Variants in LIPC observed in about 807,000 individuals in gnomAD.
LIPC encodes hepatic triacylglycerol lipase.
A neutral mutation model predicts 50.7 loss-of-function variants in LIPC; 44 were observed. The observed-to-expected ratio is 0.87, with a 90% CI of 0.68 to 1.11. The LOEUF is 1.11. Among genes scored for constraint, LIPC ranks in the 50% most tolerant of loss-of-function variants. LIPC has a pLI of 0.00. For missense variants in LIPC, 697 were observed against 648.2 expected, an observed-to-expected ratio of 1.08 and a Z score of -0.82; for synonymous variants, 271 against 256.4, an observed-to-expected ratio of 1.06 and a Z score of -0.54.
intron 6 of LIPC, among the ~76,000 whole-genome samples, chr15:58,551,920 A>G (rs1870815157): frequency 6.6e-6 from 1 of 152,204 alleles, no homozygotes; most frequent in Non-Finnish European, 1.5e-5. Flanking sequence ...ACAACTGTAC[A>G]CCAGAACTCG....
rs180913373 is a variant in LIPC at position 58,471,718 on chromosome 15, G to C, written c.88+39598G>C. On this transcript the variant is annotated intron_variant, in intron 1 of 8. Transcript: ENST00000299022. ...TCTGAATCAACCAAATGAATGAATT[G>C]AGCCAAATAGAAATGCATGACTATT... Among the ~76,000 whole-genome samples, 3 of 152,270 alleles carry C rather than the reference G, an allele frequency of 2.0e-5. No homozygotes were observed. The East Asian group carries it at 5.8e-4, about 29-fold the overall frequency.
At chr15:58,432,336 AAG>A (rs1348769762) in intron 1 of LIPC, 1 of 593,036 alleles carries the variant, frequency 1.7e-6, no homozygotes, top group African/African-American at 1.9e-5. Context: ...AAAGTCTTCT[AAG>A]AGTGCCTGCA....
At chr15:58,467,896 G>A (rs1457917687) in intron 1 of LIPC, among the ~76,000 whole-genome samples, 1 of 152,198 alleles carries the variant, frequency 6.6e-6, no homozygotes, top group Non-Finnish European at 1.5e-5. Flanking sequence ...CTGCACAGCG[G>A]TTGAGAGCTT....
At chr15:58,516,395 C>T (rs945435740) in intron 1 of LIPC, among the ~76,000 whole-genome samples, 14 of 151,880 alleles carry the variant, frequency 9.2e-5, no homozygotes, top group Middle Eastern at 3.2e-3. Context: ...TATTTTTCCA[C>T]CATTATTATT....
chr15:58,535,346 A>G (rs114585000), intron 1 of LIPC, among the ~76,000 whole-genome samples: 63 of 152,342 alleles, frequency 4.1e-4, no homozygotes, highest in East Asian at 1.3e-3. Context: ...GAGGAAGTGA[A>G]TAAATGAATG....
chr15:58,567,212 A>ATATAT (rs1458100990), intron 8 of LIPC, among the ~76,000 whole-genome samples: 5 of 139,268 alleles, frequency 3.6e-5, no homozygotes, highest in African/African-American at 8.0e-5. Context: ...AAAAAAATAA[A>ATATAT]AAATATATAT....
At chr15:58,437,903 A>G (rs1406656850) in intron 1 of LIPC, among the ~76,000 whole-genome samples, 3 of 152,150 alleles carry the variant, frequency 2.0e-5, no homozygotes, top group Non-Finnish European at 4.4e-5. Flanking sequence ...CCTACAGCTG[A>G]GCAGGTCTGT....
chr15:58,455,009 T>TCCG (rs1245133569), intron 1 of LIPC: 1 of 152,268 alleles, frequency 6.6e-6, no homozygotes, highest in Non-Finnish European at 1.5e-5. Context: ...TAAGGTTATT[T>TCCG]CCGTCTGTCG....
chr15:58,502,138 C>G (rs1330057879), intron 1 of LIPC, among the ~76,000 whole-genome samples: 1 of 152,110 alleles, frequency 6.6e-6, no homozygotes, highest in African/African-American at 2.4e-5. Flanking sequence ...CACTACAGTT[C>G]CCAGAGTGGG....
intron 1 of LIPC, among the ~76,000 whole-genome samples, chr15:58,456,852 T>C (rs1411958989): frequency 1.3e-5 from 2 of 152,258 alleles, no homozygotes; most frequent in East Asian, 3.8e-4. Context: ...AAGTATACTT[T>C]ACCATGCGTA....
rs147146149 is a variant in LIPC at position 58,451,296 on chromosome 15, C to G, written c.88+19176C>G. 8.2e-3 allele frequency among the ~76,000 whole-genome samples: 1,248 copies of G among 152,224 alleles called. 6 individuals are homozygous for G. Among genetic ancestry groups the G allele is most frequent in the Non-Finnish European group, 0.014 (945 of 68,004 alleles). ...AATTGTATTCGTTGAGACTTTGGGT[C>G]ACAAGAATAATAATCCAAACCAAAT... On this transcript the variant is annotated intron_variant, in intron 1 of 8. Transcript: ENST00000299022.
At chr15:58,539,777 G>A (rs145942655) in intron 2 of LIPC, among the ~76,000 whole-genome samples, 15 of 152,186 alleles carry the variant, frequency 9.9e-5, no homozygotes, top group African/African-American at 3.6e-4. Context: ...CCATGCACCT[G>A]CCTTCTCTCT....
intron 1 of LIPC, among the ~76,000 whole-genome samples, chr15:58,453,609 T>C (rs1235905217): frequency 6.6e-6 from 1 of 152,062 alleles, no homozygotes; most frequent in Non-Finnish European, 1.5e-5. Flanking sequence ...TTACAGAGTG[T>C]GGGTTCCGTA....
At chr15:58,445,756 C>G (rs1172551363) in intron 1 of LIPC, among the ~76,000 whole-genome samples, 1 of 152,186 alleles carries the variant, frequency 6.6e-6, no homozygotes, top group African/African-American at 2.4e-5. Flanking sequence ...CTCGGTCAGT[C>G]ATTAGTAAAG....
intron 1 of LIPC, among the ~76,000 whole-genome samples, 184 bp from the exon 2 acceptor site, chr15:58,538,149 C>G (rs1357923761): frequency 2.0e-5 from 3 of 152,190 alleles, no homozygotes; most frequent in Admixed American, 1.3e-4. Flanking sequence ...AGGCCACCCT[C>G]CATCACTTGG....
intron 1 of LIPC, among the ~76,000 whole-genome samples, chr15:58,530,211 A>G (rs1435079502): frequency 1.3e-5 from 2 of 152,218 alleles, no homozygotes; most frequent in African/African-American, 4.8e-5. Context: ...TGGCCTCCAC[A>G]GGGTAGTCCC....
intron 1 of LIPC, among the ~76,000 whole-genome samples, chr15:58,488,663 G>C (rs1261824504): frequency 6.6e-6 from 1 of 152,222 alleles, no homozygotes; most frequent in African/African-American, 2.4e-5. Flanking sequence ...TCAGCACAAA[G>C]GGCCCAAGTC....
At chr15:58,463,403 A>C (rs1463016588) in intron 1 of LIPC, among the ~76,000 whole-genome samples, 1 of 152,176 alleles carries the variant, frequency 6.6e-6, no homozygotes, top group African/African-American at 2.4e-5. Flanking sequence ...AAGCTTTCAG[A>C]AACTGCTCTG....
chr15:58,518,950 A>AG (rs1334123650), intron 1 of LIPC, among the ~76,000 whole-genome samples: 2 of 152,118 alleles, frequency 1.3e-5, no homozygotes, highest in Admixed American at 6.5e-5. Context: ...TAAAAAAAAA[A>AG]AGAAAGAAAA....
Sources: gnomAD v4.1 joint callset for allele counts (sites outside exome capture counted in the v4.1 genomes callset) on GRCh38, gnomAD v4.1.1 for gene constraint, MANE v1.5 for transcripts, NCBI Gene and HGNC (gene_info 2026-07-23, HGNC 2026-07-21) for gene names.